The following PAX6 variants were observed in gnomAD, a reference collection of about 807,000 sequenced individuals.
The protein encoded by PAX6 is paired box 6.
Under a neutral mutation model 60.7 loss-of-function variants are expected in PAX6, and 7 were observed. That is an observed-to-expected ratio of 0.12 (90% CI 0.07 to 0.22). PAX6 has a LOEUF of 0.22. Among genes scored for constraint, PAX6 ranks in the 10% least tolerant of loss-of-function variants. The pLI is 1.00. For missense variants in PAX6, 355 were observed against 555.2 expected (o/e 0.64, Z 3.62); for synonymous variants, 208 against 201.2 (o/e 1.03, Z -0.29).
rs115045926 is a variant in PAX6, at chr11:31,789,092, C to T, written c.*842G>A. ...CTCTAGATGCACAAAATGATTGGAC[C>T]GTGAACAGTAATACAACTATATCTA... On this transcript the variant is annotated 3_prime_UTR_variant, in exon 14 of 14. Coordinates refer to ENST00000640368, the MANE Select transcript of PAX6 (RefSeq NM_001368894.2). 9.0e-3 allele frequency: 1,805 copies of T among 201,584 alleles called. 41 individuals are homozygous for T. The highest frequency in any genetic ancestry group is 0.038 in the African/African-American group (1,674 of 43,670). 12.5% of individuals were successfully genotyped at this position (201,584 alleles called of 1,614,324 possible). A position where few individuals can be genotyped will look rare whatever the true frequency, so the allele number is the denominator to read the frequency against.
chr11:31,790,930 C>T, intron 12 of PAX6, 70 bp from the exon 13 acceptor site: 1 of 1,526,644 alleles, frequency 6.6e-7, no homozygotes, highest in African/African-American at 1.4e-5. Flanking sequence ...AGGCTCCCTC[C>T]TCCCGAGGAA....
chr11:31,800,762 C>T lies in PAX6; in HGVS notation c.494G>A (p.Gly165Glu), dbSNP rs1953517109. The stretch of plus-strand genomic sequence containing the variant: ...GCGGGTGCCCCAGCTTCCGGTCTGC[C>T]CGTTCAACATCCTTAGTTTATCATA... The part of the protein sequence containing the change: ...GMYDKLRMLN[G>E]QTGSWGTRPG... Residue 165 changes from glycine to glutamate, a missense_variant, in exon 8 of 14, where the codon GGG becomes GAG. Physicochemically the swap from Gly to Glu is moderately conservative, Grantham distance 98. This residue lies in a region of PAX6 where 143 missense variants were observed against 183.6 expected (regional missense o/e 0.78). Coordinates refer to ENST00000640368, the MANE Select transcript of PAX6 (RefSeq NM_001368894.2). The T allele has an allele frequency of 6.2e-7, 1 of 1,614,220 alleles. No homozygotes were observed. The highest frequency in any genetic ancestry group is 8.5e-7 in the Non-Finnish European group (1 of 1,180,044).
chr11:31,812,278 C>T (rs1957121187), upstream of PAX6: 1 of 143,228 alleles, frequency 7.0e-6, no homozygotes, highest in Admixed American at 7.0e-5. Context: ...ATGACCAATG[C>T]TGGGAGGGAT....
chr11:31,790,875 G>A lies in PAX6; in HGVS notation c.1075-15C>T, dbSNP rs747814680. ...GGGACTGGGGGCTGTGAGGAGAGAG[G>A]CAAACCTGTGGTTACTGAGGAACAC... On this transcript the variant is annotated splice_polypyrimidine_tract_variant and intron_variant, in intron 12 of 13. Coordinates refer to ENST00000640368, the MANE Select transcript of PAX6 (RefSeq NM_001368894.2). 1 of 1,613,222 alleles carries A rather than the reference G, an allele frequency of 6.2e-7. No homozygotes were observed. Among genetic ancestry groups the A allele is most frequent in the Non-Finnish European group, 8.5e-7 (1 of 1,179,608 alleles).
rs1465321307 is a variant in PAX6, at chr11:31,789,119, G to A, written c.*815C>T. 4.9e-6 allele frequency: 1 copy of A among 202,856 alleles called. No homozygotes were observed. Among genetic ancestry groups the A allele is most frequent in the Non-Finnish European group, 1.0e-5 (1 of 98,644 alleles). The allele number at this position is 202,856 out of a possible 1,614,324, so 12.6% of individuals were successfully genotyped here. On this transcript the variant is annotated 3_prime_UTR_variant, in exon 14 of 14. Coordinates refer to ENST00000640368, the MANE Select transcript of PAX6 (RefSeq NM_001368894.2). The stretch of plus-strand genomic sequence containing the variant: ...TGAACAGTAATACAACTATATCTAA[G>A]AACAATTAACTTTTGCTGGCCAAAA...
chr11:31,812,350 C>G (rs1244093343), upstream of PAX6: 1 of 145,984 alleles, frequency 6.9e-6, no homozygotes, highest in Non-Finnish European at 1.5e-5. Flanking sequence ...GTCCCACTGG[C>G]GATGTCGGTA....
upstream of PAX6, chr11:31,811,897 G>A (rs1957071727): frequency 6.6e-6 from 1 of 152,404 alleles, no homozygotes; most frequent in Admixed American, 6.5e-5. Context: ...CGAAGCCTAG[G>A]CCGAGAGGAG....
At chr11:31,805,519 G>A (rs1394479789) in intron 4 of PAX6, 1 of 152,684 alleles carries the variant, frequency 6.5e-6, no homozygotes, top group Non-Finnish European at 1.5e-5. Context: ...CACACTTTGA[G>A]TTCAGTTGAG....
chr11:31,798,141 A>G (rs1020551061), intron 8 of PAX6, among the ~76,000 whole-genome samples: 1 of 135,484 alleles, frequency 7.4e-6, no homozygotes, highest in Non-Finnish European at 1.6e-5. Context: ...GGATCAAAAC[A>G]TTGTAGCATC....
At position 31,816,332 on chromosome 11, in the gene PAX6, G is replaced by A. The variant is rs143938070; in HGVS notation, c.-317+1477C>T. On this transcript the variant is annotated intron_variant, in intron 1 of 12. Transcript: ENST00000241001. ...AGAGGGTCTGAGGAAAAAAAGACAA[G>A]CCTATCACGGGCGCCCTCCGATCAC... 109 of 546,408 alleles carry A rather than the reference G, an allele frequency of 2.0e-4. No homozygotes were observed. In the East Asian group the frequency reaches 3.2e-3, roughly 16 times the overall value. The allele number at this position is 546,408 out of a possible 1,614,324, so 33.8% of individuals were successfully genotyped here. A position where few individuals can be genotyped will look rare whatever the true frequency, so the allele number is the denominator to read the frequency against.
intron 4 of PAX6, chr11:31,803,648 G>T (rs979255617): frequency 1.3e-5 from 2 of 152,442 alleles, no homozygotes; most frequent in African/African-American, 2.4e-5. Context: ...TCCGGCCACC[G>T]CAAGTAAGGC....
intron 2 of PAX6, chr11:31,810,240 G>C (rs1300779540): frequency 6.6e-6 from 1 of 152,360 alleles, no homozygotes; most frequent in African/African-American, 2.4e-5. Context: ...CGGCGCTCGA[G>C]TGCCGGCTGA....
intron 11 of PAX6, 42 bp downstream of exon 11, chr11:31,793,610 G>T (rs779093297): frequency 6.2e-7 from 1 of 1,613,844 alleles, no homozygotes; most frequent in Non-Finnish European, 8.5e-7. Context: ...GGAGCAAACA[G>T]GTTTAAAGAC....
At chr11:31,803,118 C>T (rs1473190989) in intron 4 of PAX6, 2 of 481,652 alleles carry the variant, frequency 4.2e-6, no homozygotes, top group Admixed American at 3.3e-5. Flanking sequence ...TCCAAGCAAC[C>T]GTGCCCCTGC....
chr11:31,791,606 G>C (rs1950004709), intron 12 of PAX6: 1 of 152,862 alleles, frequency 6.5e-6, no homozygotes, highest in South Asian at 2.1e-4. Context: ...AGCAAACTTG[G>C]GATGAATTAA....
intron 9 of PAX6, 86 bp downstream of exon 9, chr11:31,794,544 G>C (rs1950929312): frequency 7.4e-7 from 1 of 1,347,204 alleles, no homozygotes; most frequent in Non-Finnish European, 1.1e-6. Context: ...TCTATGCAAA[G>C]GGCCCTGGCT....
intron 5 of PAX6, 38 bp downstream of exon 5, chr11:31,802,666 C>CGCGGGGGCGGCGAGTGGG: frequency 1.3e-6 from 2 of 1,596,064 alleles, no homozygotes; most frequent in Non-Finnish European, 1.7e-6. Flanking sequence ...AGTGGAGGGC[C>CGCGGGGGCGGCGAGTGGG]GCGGGGGCGG....
At chr11:31,799,968 C>G (rs1953075831) in intron 8 of PAX6, among the ~76,000 whole-genome samples, 1 of 150,148 alleles carries the variant, frequency 6.7e-6, no homozygotes, top group Non-Finnish European at 1.5e-5. Context: ...CCCCCCATCC[C>G]CCGCTCTTCT....
intron 5 of PAX6, 165 bp downstream of exon 5, chr11:31,802,539 G>GAGGGGA (rs1203104720): frequency 1.7e-5 from 11 of 658,984 alleles, no homozygotes; most frequent in Non-Finnish European, 2.0e-5. Flanking sequence ...GGTGGAAGGA[G>GAGGGGA]AGGGGAAAGT....
Sources: allele counts gnomAD v4.1 joint callset (sites outside exome capture counted in the v4.1 genomes callset), GRCh38; gene constraint gnomAD v4.1.1; regional missense constraint gnomAD v4.1.1; transcripts MANE v1.5; gene names NCBI Gene and HGNC (gene_info 2026-07-23, HGNC 2026-07-21).